The following FCGR3B variants were observed in gnomAD, a reference collection of about 807,000 sequenced individuals.
FCGR3B encodes Fc gamma receptor IIIb, also known as low affinity immunoglobulin gamma Fc region receptor III-B.
Under a neutral mutation model 26.7 loss-of-function variants are expected in FCGR3B, and 20 were observed. The observed-to-expected ratio is 0.75, with a 90% CI of 0.53 to 1.09. FCGR3B has a LOEUF of 1.09. Ranked by LOEUF, FCGR3B falls within the 50% of genes least tolerant of loss-of-function variation. The pLI is 0.00. For synonymous variants in FCGR3B, 79 were observed against 107.0 expected, an observed-to-expected ratio of 0.74 and a Z score of 1.62; for missense variants, 191 against 279.7, an observed-to-expected ratio of 0.68 and a Z score of 2.26.
rs1269770304 is a variant in FCGR3B at position 161,630,980 on chromosome 1, G to A, written c.40+75C>T. ...CCATCCCTTTGTGGGAGTCTCATTC[G>A]TAGCCTGAAAAGGGGTGTCTGATGA... is the stretch of plus-strand genomic sequence containing the variant. On this transcript the variant is annotated intron_variant, in intron 1 of 4. Transcript: ENST00000650385. 3.0e-5 allele frequency: 45 copies of A among 1,517,132 alleles called. 3 individuals are homozygous for A. The highest frequency in any genetic ancestry group is 2.1e-4 in the East Asian group (9 of 42,064). The allele number at this position is 1,517,132 out of a possible 1,614,324, so 94.0% of individuals were successfully genotyped here. A position where few individuals can be genotyped will look rare whatever the true frequency, so the allele number is the denominator to read the frequency against.
rs188643982 is a variant in FCGR3B at position 161,623,476 on chromosome 1, G to T, written c.*1039C>A. ...ACAACATTTGTTTAATAAATGCAAT[G>T]AACAAAGCTATACAGGAACTAGACA... On this transcript the variant is annotated 3_prime_UTR_variant, in exon 5 of 5. Transcript: ENST00000650385. The T allele has an allele frequency of 4.7e-5, 7 of 150,476 alleles. No individual in the cohort carries two copies. The highest frequency in any genetic ancestry group is 1.7e-4 in the African/African-American group (7 of 40,460). The allele number at this position is 150,476 out of a possible 1,614,324, so 9.3% of individuals were successfully genotyped here.
At position 161,628,090 on chromosome 1, in the gene FCGR3B, C is replaced by T. The variant is rs567624342; in HGVS notation, c.319+1688G>A. 7.6e-4 allele frequency among the ~76,000 whole-genome samples: 113 copies of T among 149,190 alleles called. 4 individuals are homozygous for T. Among genetic ancestry groups the T allele is most frequent in the South Asian group, 7.2e-3 (34 of 4,692 alleles). The stretch of plus-strand genomic sequence containing the variant: ...AGATCAAGACCATCCTGGCTAATGC[C>T]GTGAAACCCTGTCTCTACTAAAAAT... On this transcript the variant is annotated intron_variant, in intron 3 of 4. Transcript: ENST00000650385.
upstream of FCGR3B, chr1:161,631,259 G>C: frequency 6.7e-7 from 1 of 1,491,980 alleles, no homozygotes; most frequent in Non-Finnish European, 9.1e-7. Flanking sequence ...TCAATCTGAA[G>C]TCTCGCAATG....
Position 161,629,996 on chromosome 1 carries a change from C to G in FCGR3B, c.101G>C (p.Trp34Ser). 1 of 1,384,680 alleles carries G rather than the reference C, an allele frequency of 7.2e-7. No individual in the cohort carries two copies. The highest frequency in any genetic ancestry group is 9.6e-7 in the Non-Finnish European group (1 of 1,040,810). 85.8% of individuals were successfully genotyped at this position (1,384,680 alleles called of 1,614,324 possible). A position where few individuals can be genotyped will look rare whatever the true frequency, so the allele number is the denominator to read the frequency against. Residue 34 changes from tryptophan to serine, a missense_variant, in exon 3 of 5, where the codon TGG becomes TCG. By Grantham distance (177) the Trp-to-Ser change is radical. Coordinates refer to ENST00000650385, the MANE Select transcript of FCGR3B (RefSeq NM_001244753.2). ...PKAVVFLEPQ[W>S]YSVLEKDSVT... ...ACTGTCCTTCTCAAGCACGCTGTACCATTGAGGCTCCAGGAACACCACAGC... is the reference window on the plus strand; with the variant it reads ...ACTGTCCTTCTCAAGCACGCTGTACGATTGAGGCTCCAGGAACACCACAGC...
At chr1:161,627,271 C>A (rs1679514022) in intron 3 of FCGR3B, among the ~76,000 whole-genome samples, 1 of 149,870 alleles carries the variant, frequency 6.7e-6, no homozygotes, top group Admixed American at 6.7e-5. Flanking sequence ...AAGTATTATG[C>A]ACAGAAAAAA....
rs957835438 is a variant in FCGR3B at position 161,626,986 on chromosome 1, C to T, written c.320-584G>A. ...ACTGGTAGTGCTCAGAGTGGCAATT[C>T]GTGGTTTCTAAGGTGTCACAGGGCC... On this transcript the variant is annotated intron_variant, in intron 3 of 4. Transcript: ENST00000650385. 1.5e-4 allele frequency among the ~76,000 whole-genome samples: 22 copies of T among 149,716 alleles called. 1 individual carries two copies. Among genetic ancestry groups the T allele is most frequent in the Admixed American group, 4.0e-4 (6 of 14,982 alleles).
chr1:161,626,189 C>T lies in FCGR3B; in HGVS notation c.533G>A (p.Ser178Asn). Residue 178 changes from serine (S) to asparagine (N), a missense_variant, in exon 4 of 5, where the codon AGT (serine) becomes AAT (asparagine). Physicochemically the swap from Ser to Asn is conservative, Grantham distance 46. Transcript: ENST00000650385. ...CACAGTCTCTGAAGACACATTTTTA[C>T]TCCCAACAAGCCCCCTGCAGAAGTA... ...GSYFCRGLVG[S>N]KNVSSETVNI... The T allele has an allele frequency of 6.2e-7, 1 of 1,609,706 alleles. No homozygotes were observed. The highest frequency in any genetic ancestry group is 1.1e-5 in the South Asian group (1 of 90,622).
Position 161,630,349 on chromosome 1 carries a change from G to A in FCGR3B, c.61+19C>T. 6.2e-7 allele frequency: 1 copy of A among 1,600,802 alleles called. No individual in the cohort carries two copies. The highest frequency in any genetic ancestry group is 1.1e-5 in the South Asian group (1 of 90,002). ...TATGTGCCCCACTGGGTCAATCCAA[G>A]ACCATGAAGCTGACTCACCAGTCCG... On this transcript the variant is annotated intron_variant, in intron 2 of 4. Coordinates refer to ENST00000650385, the MANE Select transcript of FCGR3B (RefSeq NM_001244753.2).
At chr1:161,631,328 G>A, upstream of FCGR3B, 3 of 995,988 alleles carry the variant, frequency 3.0e-6, no homozygotes, top group Non-Finnish European at 4.4e-6. Context: ...GTGGGTGGGT[G>A]TGCCCCCTTT....
chr1:161,624,773 G>A (rs1218050930), intron 4 of FCGR3B, 134 bp from the exon 5 acceptor site: 2 of 832,748 alleles, frequency 2.4e-6, no homozygotes, highest in African/African-American at 3.6e-5. Context: ...GGGGAGGTCT[G>A]GGGGAAAGTA....
chr1:161,624,558 G>T lies in FCGR3B; in HGVS notation c.659C>A (p.Ala220Glu), dbSNP rs762537225. 1.8e-5 allele frequency: 29 copies of T among 1,606,470 alleles called. 1 individual carries two copies. The Admixed American group carries it at 4.9e-4, about 27-fold the overall frequency. Residue 220 changes from alanine to glutamate, a missense_variant, in exon 5 of 5, where the codon GCA becomes GAA. Physicochemically the swap from Ala to Glu is moderately radical, Grantham distance 107. This residue lies in a region of FCGR3B where 103 missense variants were observed against 114.5 expected (regional missense o/e 0.90). Coordinates refer to ENST00000650385, the MANE Select transcript of FCGR3B (RefSeq NM_001244753.2). ...SFCLVMVLLF[A>E]VDTGLYFSVK... is the part of the protein sequence containing the mutation. ...AGAGAAATATAGTCCTGTGTCCACT[G>T]CAAAAAGGAGTACCATCACCAAGCA...
chr1:161,629,388 C>A (rs1679626280), intron 3 of FCGR3B, among the ~76,000 whole-genome samples: 1 of 47,022 alleles, frequency 2.1e-5, no homozygotes, highest in Non-Finnish European at 4.1e-5. Flanking sequence ...CAGATTGCCG[C>A]ATTGCACTCC....
chr1:161,631,190 T>C (rs924043125), upstream of FCGR3B: 156 of 1,600,774 alleles, frequency 9.7e-5, 3 homozygotes, highest in East Asian at 4.9e-4. Context: ...CTTTCCCCAG[T>C]CCCTCCACCC....
At chr1:161,626,886 G>C (rs932033522) in intron 3 of FCGR3B, among the ~76,000 whole-genome samples, 2 of 150,332 alleles carry the variant, frequency 1.3e-5, no homozygotes, top group African/African-American at 4.9e-5. Flanking sequence ...ATAAGCTGAC[G>C]GTCGCCACAG....
chr1:161,627,680 G>A (rs1165950040), intron 3 of FCGR3B, among the ~76,000 whole-genome samples: 2 of 150,178 alleles, frequency 1.3e-5, no homozygotes, highest in South Asian at 2.1e-4. Flanking sequence ...ATATAGTCTG[G>A]TGGCCTTTGG....
intron 3 of FCGR3B, among the ~76,000 whole-genome samples, chr1:161,628,856 T>C (rs538489163): frequency 6.9e-6 from 1 of 144,354 alleles, no homozygotes; most frequent in East Asian, 2.1e-4. Context: ...TCAAAATATT[T>C]CTCCTACCTG....
chr1:161,627,355 CT>C (rs1356594113), intron 3 of FCGR3B, among the ~76,000 whole-genome samples: 2 of 150,122 alleles, frequency 1.3e-5, no homozygotes, highest in Admixed American at 6.6e-5. Flanking sequence ...TAAATTTCTC[CT>C]GTTTACTTTT....
At position 161,626,233 on chromosome 1, in the gene FCGR3B, T is replaced by C. The variant is rs764950507; in HGVS notation, c.489A>G (p.Thr163=). 27 of 1,608,372 alleles carry C rather than the reference T, an allele frequency of 1.7e-5. 1 individual carries two copies. The highest frequency in any genetic ancestry group is 1.7e-4 in the Middle Eastern group (1 of 6,052). ...AGAAGTAGGAGCCGCTATCTTTGAG[T>C]GTGGCTTTTGGAATGTGGAAGTCAG... is the stretch of plus-strand genomic sequence containing the variant. The part of the protein sequence containing the change: ...HNSDFHIPKA[T]LKDSGSYFCR... Residue 163 remains threonine (T), a synonymous_variant, in exon 4 of 5, where the codon ACA becomes ACG. Transcript: ENST00000650385.
In FCGR3B at chr1:161,624,622, T is replaced by C. The variant is rs1163041411; in HGVS notation, c.595A>G (p.Ile199Val). Residue 199 changes from isoleucine (I) to valine (V), a missense_variant, in exon 5 of 5, where the codon ATC (isoleucine) becomes GTC (valine). By Grantham distance (29) the Ile-to-Val change is conservative. Transcript: ENST00000650385. ...TITQGLAVST[I>V]SSFSPPGYQV... is the part of the protein sequence containing the mutation. ...TACCCAGGTGGAGAGAATGATGAGA[T>C]GGTTGACACTGCCAAACCTATTAGG... The C allele has an allele frequency of 1.9e-6, 3 of 1,605,692 alleles. No individual in the cohort carries two copies. Among genetic ancestry groups the C allele is most frequent in the Middle Eastern group, 3.3e-4 (2 of 6,020 alleles).
Sources: allele counts gnomAD v4.1 joint callset (sites outside exome capture counted in the v4.1 genomes callset), GRCh38; gene constraint gnomAD v4.1.1; regional missense constraint gnomAD v4.1.1; transcripts MANE v1.5; gene names NCBI Gene and HGNC (gene_info 2026-07-23, HGNC 2026-07-21).